Variants in CYREN observed in about 807,000 individuals in gnomAD.
CYREN encodes the protein cell cycle regulator of NHEJ, also known as cell cycle regulator of non-homologous end joining.
In CYREN, 7 loss-of-function variants were observed where a neutral mutation model predicts 9.7. The ratio of observed to expected loss-of-function variants is 0.72; its 90% CI spans 0.41 to 1.36. CYREN has a LOEUF of 1.36. Among genes scored for constraint, CYREN ranks in the 40% most tolerant of loss-of-function variants. The probability of loss-of-function intolerance (pLI) is 0.01; values close to 1 mark genes in which losing one functional copy is unlikely to be tolerated. For missense variants in CYREN, 215 were observed against 198.1 expected, an observed-to-expected ratio of 1.09 and a Z score of -0.51; for synonymous variants, 76 against 77.9, an observed-to-expected ratio of 0.98 and a Z score of 0.13.
rs544610769 is a variant in CYREN at position 135,126,982 on chromosome 7, C to T, written n.357-32400G>A. Among the ~76,000 whole-genome samples, 6 of 152,240 alleles carry T rather than the reference C, an allele frequency of 3.9e-5. No individual in the cohort carries two copies. In the South Asian group the frequency reaches 8.3e-4, roughly 21 times the overall value. ...GGGTAAAGACTTCATGACAAAACAC[C>T]AAAAGCAATTGCAACAGAAGCCAAA... On this transcript the variant is annotated intron_variant and non_coding_transcript_variant, in intron 2 of 2. Transcript: ENST00000459937.
At chr7:135,153,031 G>T (rs999687016) in intron 2 of CYREN, 1 of 152,146 alleles carries the variant, frequency 6.6e-6, no homozygotes, top group Admixed American at 6.5e-5. Flanking sequence ...GACATAAACA[G>T]ACATTTTCCA....
intron 2 of CYREN, among the ~76,000 whole-genome samples, chr7:135,157,090 GTCTTTATCAGCAGTGTGAAAATGGAC>G (rs1829814173): frequency 6.6e-6 from 1 of 152,180 alleles, no homozygotes; most frequent in Admixed American, 6.5e-5. Flanking sequence ...TCTCAGGTAT[GTCTTTATCAGCAGTGTGAAAATGGAC>G]TAATACAATG....
intron 1 of CYREN, 144 bp downstream of exon 1, chr7:135,170,508 C>T (rs1300158620): frequency 6.6e-6 from 1 of 152,366 alleles, no homozygotes; most frequent in Non-Finnish European, 1.5e-5. Context: ...ACGGCTCCTT[C>T]CGACTGGAGC....
intron 2 of CYREN, among the ~76,000 whole-genome samples, chr7:135,120,323 T>C (rs1826964683): frequency 6.6e-6 from 1 of 152,212 alleles, no homozygotes; most frequent in Non-Finnish European, 1.5e-5. Context: ...CCACTATAAA[T>C]GTGAGAAGGT....
chr7:135,125,481 C>T (rs148930574), intron 2 of CYREN, among the ~76,000 whole-genome samples: 264 of 152,268 alleles, frequency 1.7e-3, no homozygotes, highest in Non-Finnish European at 3.3e-3. Flanking sequence ...AGAGCTGGTA[C>T]CATTCCTTCT....
At chr7:135,133,271 A>G (rs1308091897) in intron 2 of CYREN, among the ~76,000 whole-genome samples, 1 of 152,232 alleles carries the variant, frequency 6.6e-6, no homozygotes, top group African/African-American at 2.4e-5. Context: ...CAACATGAAT[A>G]AGAGAAATTT....
intron 2 of CYREN, chr7:135,135,137 C>A (rs1829284896): frequency 2.6e-6 from 4 of 1,551,008 alleles, no homozygotes; most frequent in African/African-American, 1.4e-5. Flanking sequence ...AGTCTTCAAG[C>A]TGAAGAAACT....
chr7:135,155,709 G>A (rs374919300), intron 2 of CYREN, among the ~76,000 whole-genome samples: 34 of 152,214 alleles, frequency 2.2e-4, no homozygotes, highest in African/African-American at 7.5e-4. Context: ...AAATTAACCG[G>A]GCATGGTGGC....
chr7:135,110,401 G>T (rs1012605338), intron 2 of CYREN, among the ~76,000 whole-genome samples: 3 of 152,130 alleles, frequency 2.0e-5, no homozygotes, highest in Admixed American at 1.3e-4. Context: ...AAAGCTCCTG[G>T]GGCTCTGTAT....
intron 2 of CYREN, among the ~76,000 whole-genome samples, chr7:135,117,582 T>A (rs1005710605): frequency 1.3e-5 from 2 of 152,116 alleles, no homozygotes; most frequent in Admixed American, 6.6e-5. Context: ...GTTGAGACAG[T>A]CAAACAAATG....
chr7:135,135,337 G>T, intron 2 of CYREN: 1 of 1,286,156 alleles, frequency 7.8e-7, no homozygotes, highest in African/African-American at 1.5e-5. Flanking sequence ...AAAAAGGAAA[G>T]CCCTCCCCTT....
chr7:135,115,562 C>G (rs1826204410), intron 2 of CYREN: 2 of 1,551,334 alleles, frequency 1.3e-6, no homozygotes, highest in East Asian at 4.9e-5. Context: ...GCAAACCACT[C>G]AGATAAAACA....
At position 135,168,863 on chromosome 7, in the gene CYREN, C is replaced by T. The variant is rs1380929404; in HGVS notation, c.60G>A (p.Gln20=). The change falls in exon 2 of 4, where the codon CAG becomes CAA. Residue 20 remains glutamine, a synonymous_variant. Transcript: ENST00000393114. ...TRVLPSWLTA[Q]VATKNVAPMK... is the part of the protein sequence containing the mutation. Reference sequence around the variant, plus strand: ...TTGGTGCCACATTCTTTGTAGCCACCTGGGCTGTCAGCCATGAGGGAAGGA... The same window carrying T: ...TTGGTGCCACATTCTTTGTAGCCACTTGGGCTGTCAGCCATGAGGGAAGGA... The T allele has an allele frequency of 1.2e-6, 2 of 1,614,042 alleles. No individual in the cohort carries two copies. The highest frequency in any genetic ancestry group is 3.3e-5 in the Admixed American group (2 of 60,004).
At chr7:135,169,113 C>A (rs1251963684) in intron 1 of CYREN, 53 bp from the exon 2 acceptor site, 6 of 589,406 alleles carry the variant, frequency 1.0e-5, no homozygotes, top group Non-Finnish European at 1.7e-5. Context: ...TCATCAGGCA[C>A]AGTTACTGGT....
chr7:135,163,632 G>A (rs1401312854), downstream of CYREN, among the ~76,000 whole-genome samples: 1 of 152,186 alleles, frequency 6.6e-6, no homozygotes, highest in Non-Finnish European at 1.5e-5. Flanking sequence ...GTGACAGAGT[G>A]AGGCTCCATC....
intron 2 of CYREN, among the ~76,000 whole-genome samples, chr7:135,114,430 A>G (rs571655565): frequency 6.6e-6 from 1 of 152,274 alleles, no homozygotes; most frequent in African/African-American, 2.4e-5. Flanking sequence ...TTAAAATGTT[A>G]TTATATTCCA....
At chr7:135,109,397 C>G (rs1404105089) in intron 2 of CYREN, among the ~76,000 whole-genome samples, 1 of 151,642 alleles carries the variant, frequency 6.6e-6, no homozygotes, top group Non-Finnish European at 1.5e-5. Flanking sequence ...CTCGATAGCC[C>G]CAGCAAGGAG....
chr7:135,098,070 T>A (rs1310196661), intron 2 of CYREN, among the ~76,000 whole-genome samples: 1 of 152,164 alleles, frequency 6.6e-6, no homozygotes, highest in Non-Finnish European at 1.5e-5. Flanking sequence ...AATTTATAGA[T>A]GCAAAGGGCC....
At chr7:135,153,324 C>T (rs1232784606) in intron 2 of CYREN, among the ~76,000 whole-genome samples, 2 of 151,780 alleles carry the variant, frequency 1.3e-5, no homozygotes, top group East Asian at 3.9e-4. Flanking sequence ...CATGGTGTCA[C>T]GCACCTGTAG....
Sources: allele counts gnomAD v4.1 joint callset (sites outside exome capture counted in the v4.1 genomes callset), GRCh38; gene constraint gnomAD v4.1.1; transcripts MANE v1.5; gene names NCBI Gene and HGNC (gene_info 2026-07-23, HGNC 2026-07-21).